Variants in SSX2IP observed in about 807,000 individuals in gnomAD.
The protein encoded by SSX2IP is SSX family member 2 interacting protein.
Under a neutral mutation model 84.9 loss-of-function variants are expected in SSX2IP, and 55 were observed. That is an observed-to-expected ratio of 0.65 (90% CI 0.52 to 0.81). The LOEUF is 0.81. Among genes scored for constraint, SSX2IP ranks in the 30% least tolerant of loss-of-function variants. SSX2IP has a pLI of 0.00. For missense variants in SSX2IP, 664 were observed against 705.2 expected, an observed-to-expected ratio of 0.94 and a Z score of 0.66; for synonymous variants, 239 against 234.7, an observed-to-expected ratio of 1.02 and a Z score of -0.17.
rs149598589 is a variant in SSX2IP at position 84,651,322 on chromosome 1, C to G, written c.1504+561G>C. 1.5e-3 allele frequency among the ~76,000 whole-genome samples: 226 copies of G among 151,786 alleles called. 1 individual carries two copies. The highest frequency in any genetic ancestry group is 7.9e-3 in the East Asian group (40 of 5,066). On this transcript the variant is annotated intron_variant, in intron 12 of 13. Transcript: ENST00000342203. ...AGACTACATCTTGAAAAAAGAAATT[C>G]TCAATGTAAATTTTCAAAAACTTCG...
intron 11 of SSX2IP, among the ~76,000 whole-genome samples, chr1:84,653,336 G>T (rs1650589690): frequency 6.6e-6 from 1 of 152,114 alleles, no homozygotes; most frequent in African/African-American, 2.4e-5. Context: ...AGTACTGGTA[G>T]CCACCACCAC....
chr1:84,688,835 T>C (rs531386543), intron 1 of SSX2IP, among the ~76,000 whole-genome samples: 1 of 152,200 alleles, frequency 6.6e-6, no homozygotes. Flanking sequence ...ACGTAATCCA[T>C]GAGCTTTTTA....
chr1:84,682,200 G>C (rs1198974486), intron 1 of SSX2IP, among the ~76,000 whole-genome samples: 2 of 152,134 alleles, frequency 1.3e-5, no homozygotes, highest in Admixed American at 1.3e-4. Flanking sequence ...GTTTTCACCT[G>C]TTTTGGACTT....
intron 13 of SSX2IP, among the ~76,000 whole-genome samples, chr1:84,648,100 A>G (rs1361270436): frequency 1.3e-5 from 2 of 152,162 alleles, no homozygotes; most frequent in Non-Finnish European, 2.9e-5. Context: ...TCCATTCTAC[A>G]GTGAAGGAAC....
intron 4 of SSX2IP, among the ~76,000 whole-genome samples, chr1:84,666,482 G>A (rs1391579606): frequency 6.6e-6 from 1 of 152,032 alleles, no homozygotes; most frequent in Non-Finnish European, 1.5e-5. Context: ...CTTCAAAATG[G>A]ATCCCTGGAA....
rs1649520809 is a variant in SSX2IP, at chr1:84,646,896, CTT to C, written c.*535_*536del. The C allele has an allele frequency of 6.6e-6, 1 of 152,474 alleles. No individual in the cohort carries two copies. The highest frequency in any genetic ancestry group is 2.4e-5 in the African/African-American group (1 of 41,432). The allele number at this position is 152,474 out of a possible 1,614,324, so 9.4% of individuals were successfully genotyped here. On this transcript the variant is annotated 3_prime_UTR_variant, in exon 14 of 14. Transcript: ENST00000342203. ...ATACTATACTTATGGTTGTGTGAAA[CTT>C]TTAAATCTTAAAGCCTCTTAACATA...
intron 5 of SSX2IP, among the ~76,000 whole-genome samples, chr1:84,664,862 CAG>C (rs1322977349): frequency 6.6e-6 from 1 of 152,074 alleles, no homozygotes; most frequent in Non-Finnish European, 1.5e-5. Context: ...CTGAGATAAA[CAG>C]AATTCATCTG....
intron 1 of SSX2IP, among the ~76,000 whole-genome samples, chr1:84,679,766 A>G (rs1654828935): frequency 6.6e-6 from 1 of 152,226 alleles, no homozygotes; most frequent in African/African-American, 2.4e-5. Context: ...GCCAGGAGCT[A>G]TTCTAAATGC....
chr1:84,681,829 T>C (rs945433916), intron 1 of SSX2IP, among the ~76,000 whole-genome samples: 5 of 152,142 alleles, frequency 3.3e-5, no homozygotes, highest in African/African-American at 1.2e-4. Flanking sequence ...TCTTCATACC[T>C]GAGGGAATGT....
intron 8 of SSX2IP, 111 bp from the exon 9 acceptor site, chr1:84,658,579 T>G: frequency 7.7e-7 from 1 of 1,306,918 alleles, no homozygotes. Context: ...CAAAATCATT[T>G]CTGTGCTGTG....
chr1:84,674,060 T>C (rs1011295503), intron 1 of SSX2IP, among the ~76,000 whole-genome samples: 1 of 152,164 alleles, frequency 6.6e-6, no homozygotes, highest in African/African-American at 2.4e-5. Flanking sequence ...ATAATCACTA[T>C]AAGTAAAACA....
chr1:84,665,862 G>A (rs1300446978), intron 5 of SSX2IP, among the ~76,000 whole-genome samples: 2 of 152,154 alleles, frequency 1.3e-5, no homozygotes, highest in African/African-American at 2.4e-5. Flanking sequence ...AGTCCAGGAA[G>A]GGCAGTCCAG....
rs558834622 is a variant in SSX2IP at position 84,666,625 on chromosome 1, G to T, written c.427-393C>A. On this transcript the variant is annotated intron_variant, in intron 4 of 13. Coordinates refer to ENST00000342203, the MANE Select transcript of SSX2IP (RefSeq NM_001166293.2). ...TCATCATCCTTCGAGAGTATACTTG[G>T]CTTTGAAAAAGAAGCAAAAGTGATT... Among the ~76,000 whole-genome samples the T allele has an allele frequency of 1.7e-3, 254 of 152,112 alleles. 3 individuals are homozygous for T. The highest frequency in any genetic ancestry group is 2.1e-3 in the Non-Finnish European group (143 of 67,982).
intron 12 of SSX2IP, 115 bp downstream of exon 12, chr1:84,651,768 A>C: frequency 3.2e-6 from 2 of 634,322 alleles, no homozygotes; most frequent in Non-Finnish European, 5.3e-6. Flanking sequence ...TTATAATTAG[A>C]GAGCTCTAAT....
chr1:84,671,372 A>C, intron 1 of SSX2IP, 64 bp from the exon 2 acceptor site: 1 of 1,324,082 alleles, frequency 7.6e-7, no homozygotes. Context: ...TATAAACCCA[A>C]TGCTTAAGAA....
chr1:84,647,645 T>A (rs757610078), intron 13 of SSX2IP, 38 bp from the exon 14 acceptor site: 1 of 1,439,602 alleles, frequency 6.9e-7, no homozygotes, highest in Non-Finnish European at 9.3e-7. Flanking sequence ...GTGACTATCC[T>A]CTCCTTCTTT....
intron 1 of SSX2IP, among the ~76,000 whole-genome samples, chr1:84,675,489 T>C (rs1298144375): frequency 6.6e-6 from 1 of 152,232 alleles, no homozygotes; most frequent in Non-Finnish European, 1.5e-5. Flanking sequence ...CAGCCTCCCA[T>C]TTTATTCCTA....
intron 4 of SSX2IP, among the ~76,000 whole-genome samples, chr1:84,667,461 C>T (rs1652927038): frequency 6.6e-6 from 1 of 152,134 alleles, no homozygotes; most frequent in Non-Finnish European, 1.5e-5. Context: ...GCATCTTTAT[C>T]ACCAGGGCTT....
rs1431100526 is a variant in SSX2IP, at chr1:84,645,547, A to G, written c.*1886T>C. ...TTCTAGAACTCCATTGTCATGAAAT[A>G]TAATATTTGCTAAAATAAGAGATTT... On this transcript the variant is annotated 3_prime_UTR_variant, in exon 14 of 14. Coordinates refer to ENST00000342203, the MANE Select transcript of SSX2IP (RefSeq NM_001166293.2). 6.6e-6 allele frequency: 1 copy of G among 152,224 alleles called. No homozygotes were observed. The highest frequency in any genetic ancestry group is 1.5e-5 in the Non-Finnish European group (1 of 68,032). 9.4% of individuals were successfully genotyped at this position (152,224 alleles called of 1,614,324 possible).
Sources: allele counts gnomAD v4.1 joint callset (sites outside exome capture counted in the v4.1 genomes callset), GRCh38; gene constraint gnomAD v4.1.1; transcripts MANE v1.5; gene names NCBI Gene and HGNC (gene_info 2026-07-23, HGNC 2026-07-21).